Variants in ZCCHC24 observed in about 807,000 individuals in gnomAD.
ZCCHC24 encodes zinc finger CCHC-type containing 24, also known as zinc finger CCHC domain-containing protein 24.
A neutral mutation model predicts 26.2 loss-of-function variants in ZCCHC24; 10 were observed. The observed-to-expected ratio is 0.38, with a 90% CI of 0.24 to 0.65. The LOEUF is 0.65. Ranked by LOEUF, ZCCHC24 falls within the 30% of genes least tolerant of loss-of-function variation. The pLI, the probability that ZCCHC24 is intolerant of heterozygous loss-of-function variation, is 0.54. For missense variants in ZCCHC24, 243 were observed against 329.1 expected (o/e 0.74, Z 2.03); for synonymous variants, 144 against 147.1 (o/e 0.98, Z 0.15).
intron 2 of ZCCHC24, among the ~76,000 whole-genome samples, chr10:79,408,182 G>T (rs1431958719): frequency 6.6e-6 from 1 of 152,202 alleles, no homozygotes; most frequent in Admixed American, 6.5e-5. Flanking sequence ...CAGATGTGGA[G>T]GCTGGTGGCA....
chr10:79,393,621 G>A (rs1331459599), intron 3 of ZCCHC24, among the ~76,000 whole-genome samples: 1 of 152,186 alleles, frequency 6.6e-6, no homozygotes, highest in Non-Finnish European at 1.5e-5. Flanking sequence ...GCTGCTCTTG[G>A]GTCCCTCGAG....
At chr10:79,396,531 G>T (rs780221704) in intron 2 of ZCCHC24, among the ~76,000 whole-genome samples, 1 of 152,118 alleles carries the variant, frequency 6.6e-6, no homozygotes, top group African/African-American at 2.4e-5. Context: ...CTAGGCCCTC[G>T]CAGGCTTTGA....
chr10:79,405,477 A>G (rs983706349), intron 2 of ZCCHC24, among the ~76,000 whole-genome samples: 8 of 152,222 alleles, frequency 5.3e-5, no homozygotes, highest in Non-Finnish European at 8.8e-5. Context: ...TGGCAATGCC[A>G]GGGCTGATCA....
rs577258591 is a variant in ZCCHC24 at position 79,390,059 on chromosome 10, C to T, written c.613-3601G>A. Among the ~76,000 whole-genome samples, 10 of 152,180 alleles carry T rather than the reference C, an allele frequency of 6.6e-5. No individual in the cohort carries two copies. In the South Asian group the frequency reaches 1.0e-3, roughly 16 times the overall value. On this transcript the variant is annotated intron_variant, in intron 3 of 3. Coordinates refer to ENST00000372336, the MANE Select transcript of ZCCHC24 (RefSeq NM_153367.4). ...TTTAAAAAAAATTTTTTTATAGAGA[C>T]GAGGTCTCACTATATTGACCAGGCT...
At chr10:79,416,985 CTG>C (rs1856871166) in intron 2 of ZCCHC24, among the ~76,000 whole-genome samples, 1 of 152,244 alleles carries the variant, frequency 6.6e-6, no homozygotes, top group African/African-American at 2.4e-5. Context: ...ACGGCAGACA[CTG>C]TGGATGGCGC....
intron 2 of ZCCHC24, among the ~76,000 whole-genome samples, chr10:79,400,844 C>G (rs10824750): frequency 0.3 from 45,521 of 152,220 alleles, 7,601 homozygotes; most frequent in African/African-American, 0.43. Flanking sequence ...CTCCCCACCC[C>G]TGGGTCCCTT....
At chr10:79,416,019 G>A (rs1010527704) in intron 2 of ZCCHC24, among the ~76,000 whole-genome samples, 7 of 152,184 alleles carry the variant, frequency 4.6e-5, no homozygotes, top group African/African-American at 1.2e-4. Flanking sequence ...CTGAGGACCC[G>A]GGCTGCGCAT....
Position 79,394,445 on chromosome 10 carries a change from A to G in ZCCHC24, c.448-5T>C, listed in dbSNP as rs1263713729. 2 of 1,612,680 alleles carry G rather than the reference A, an allele frequency of 1.2e-6. No homozygotes were observed. The highest frequency in any genetic ancestry group is 2.2e-5 in the East Asian group (1 of 44,858). On this transcript the variant is annotated splice_region_variant and splice_polypyrimidine_tract_variant and intron_variant, in intron 2 of 3. Transcript: ENST00000372336. ...GCCCTCGCCTTTGGGGCGTGCCTACAGGGCAGGAAGCAAACACAGGGGATT... is the reference window on the plus strand; with the variant it reads ...GCCCTCGCCTTTGGGGCGTGCCTACGGGGCAGGAAGCAAACACAGGGGATT...
At position 79,394,268 on chromosome 10, in the gene ZCCHC24, C is replaced by A. The variant is rs199967509; in HGVS notation, c.612+8G>T. ...CCTTCTGAGAAGGCCCCAGCCTGCCCGGCTCACCTGCTTGTGTGGATACAC... is the reference window on the plus strand; with the variant it reads ...CCTTCTGAGAAGGCCCCAGCCTGCCAGGCTCACCTGCTTGTGTGGATACAC... On this transcript the variant is annotated splice_region_variant and intron_variant, in intron 3 of 3. Transcript: ENST00000372336. 962 of 1,611,974 alleles carry A rather than the reference C, an allele frequency of 6.0e-4. 9 individuals are homozygous for A. Among genetic ancestry groups the A allele is most frequent in the East Asian group, 4.2e-4 (19 of 44,844 alleles).
chr10:79,436,574 T>C (rs756329784), intron 1 of ZCCHC24, among the ~76,000 whole-genome samples: 4 of 152,070 alleles, frequency 2.6e-5, no homozygotes, highest in Non-Finnish European at 4.4e-5. Flanking sequence ...CTCTAATCTC[T>C]CCCCGTGTGT....
chr10:79,389,529 A>AGTGTGTGTGTGTGTGTGT (rs5786399), intron 3 of ZCCHC24, among the ~76,000 whole-genome samples: 98 of 146,324 alleles, frequency 6.7e-4, no homozygotes, highest in African/African-American at 2.4e-3. Flanking sequence ...ACTTTTTCCT[A>AGTGTGTGTGTGTGTGTGT]GTGTGTGTGT....
chr10:79,400,107 G>T (rs930788746), intron 2 of ZCCHC24, among the ~76,000 whole-genome samples: 2 of 152,208 alleles, frequency 1.3e-5, no homozygotes, highest in Non-Finnish European at 2.9e-5. Flanking sequence ...TGCTGCTGGG[G>T]TGGGGGCTGA....
intron 2 of ZCCHC24, among the ~76,000 whole-genome samples, chr10:79,413,773 TGTGTGTGAGAGA>T (rs1290462924): frequency 1.9e-5 from 2 of 106,198 alleles, no homozygotes; most frequent in Non-Finnish European, 2.2e-5. Flanking sequence ...TGTGTGTGTG[TGTGTGTGAGAGA>T]GAGAGAGAGA....
At chr10:79,410,452 G>A (rs1856774501) in intron 2 of ZCCHC24, among the ~76,000 whole-genome samples, 1 of 152,224 alleles carries the variant, frequency 6.6e-6, no homozygotes, top group Non-Finnish European at 1.5e-5. Context: ...ATGTGCTCAG[G>A]ATGAGCAGAG....
chr10:79,394,498 A>G, intron 2 of ZCCHC24, 58 bp from the exon 3 acceptor site: 1 of 1,582,512 alleles, frequency 6.3e-7, no homozygotes, highest in Non-Finnish European at 8.6e-7. Flanking sequence ...ATGATGCCCC[A>G]CAGGGTTCCC....
At chr10:79,430,952 C>T (rs1857118684) in intron 2 of ZCCHC24, among the ~76,000 whole-genome samples, 1 of 152,158 alleles carries the variant, frequency 6.6e-6, no homozygotes, top group Admixed American at 6.5e-5. Flanking sequence ...TGTGTGAGTC[C>T]CTTCCTCCCT....
At chr10:79,427,513 G>A (rs1464922416) in intron 2 of ZCCHC24, among the ~76,000 whole-genome samples, 1 of 151,612 alleles carries the variant, frequency 6.6e-6, no homozygotes, top group Non-Finnish European at 1.5e-5. Flanking sequence ...AATGGAATAA[G>A]GTTAGAAATC....
At chr10:79,393,740 C>T (rs1229091655) in intron 3 of ZCCHC24, among the ~76,000 whole-genome samples, 2 of 152,212 alleles carry the variant, frequency 1.3e-5, no homozygotes, top group African/African-American at 4.8e-5. Flanking sequence ...CAAGTCCTTA[C>T]AGCCTCAGGG....
intron 1 of ZCCHC24, among the ~76,000 whole-genome samples, chr10:79,434,823 G>A (rs1472934253): frequency 2.0e-5 from 3 of 152,146 alleles, no homozygotes; most frequent in Non-Finnish European, 2.9e-5. Context: ...TGCAGCCATC[G>A]CCACCGTCCA....
Sources: allele counts gnomAD v4.1 joint callset (sites outside exome capture counted in the v4.1 genomes callset), GRCh38; gene constraint gnomAD v4.1.1; transcripts MANE v1.5; gene names NCBI Gene and HGNC (gene_info 2026-07-23, HGNC 2026-07-21).